ANK3: variants seen among roughly 807,000 people sequenced by gnomAD.
ANK3 encodes the protein ankyrin 3, also known as ankyrin-3.
Under a neutral mutation model 370.9 loss-of-function variants are expected in ANK3, and 57 were observed. That is an observed-to-expected ratio of 0.15 (90% confidence interval 0.12 to 0.19). ANK3 has a LOEUF of 0.19. Among genes scored for constraint, ANK3 ranks in the 10% least tolerant of loss-of-function variants. The pLI is 1.00. For missense variants in ANK3, 4,439 were observed against 5,302.1 expected (o/e 0.84, Z 5.06); for synonymous variants, 1,929 against 1,946.3 (o/e 0.99, Z 0.23).
intron 28 of ANK3, among the ~76,000 whole-genome samples, chr10:60,095,874 T>C (rs1399297280): frequency 6.6e-6 from 1 of 152,204 alleles, no homozygotes; most frequent in African/African-American, 2.4e-5. Context: ...GTATTACATA[T>C]TTTAAAAGTA....
intron 1 of ANK3, among the ~76,000 whole-genome samples, chr10:60,331,240 A>AT (rs1337405737): frequency 6.7e-6 from 1 of 148,594 alleles, no homozygotes; most frequent in Non-Finnish European, 1.5e-5. Context: ...CGTTCTGCAC[A>AT]TTTATCTTAG....
At chr10:60,408,340 G>A (rs2063494584) in intron 2 of ANK3, among the ~76,000 whole-genome samples, 1 of 152,088 alleles carries the variant, frequency 6.6e-6, no homozygotes, top group Admixed American at 6.6e-5. Flanking sequence ...TCTCATGAAT[G>A]GTTTAGATCG....
At chr10:60,291,850 C>A (rs1377301602) in intron 1 of ANK3, among the ~76,000 whole-genome samples, 1 of 152,070 alleles carries the variant, frequency 6.6e-6, no homozygotes, top group Non-Finnish European at 1.5e-5. Context: ...GTAGCCAGGT[C>A]TACAGGTACA....
intron 1 of ANK3, among the ~76,000 whole-genome samples, chr10:60,344,825 C>G (rs4290174): frequency 0.7 from 105,810 of 151,746 alleles, 38,150 homozygotes; most frequent in South Asian, 0.91. Context: ...CAAATTCACT[C>G]TGTGATCTGC....
At chr10:60,676,811 T>G (rs2079131853) in intron 1 of ANK3, among the ~76,000 whole-genome samples, 1 of 152,186 alleles carries the variant, frequency 6.6e-6, no homozygotes, top group Non-Finnish European at 1.5e-5. Flanking sequence ...GAAGGATAAG[T>G]GCTAGTGTTC....
chr10:60,431,937 C>T (rs1435024003), intron 2 of ANK3, among the ~76,000 whole-genome samples: 2 of 152,184 alleles, frequency 1.3e-5, no homozygotes, highest in African/African-American at 4.8e-5. Flanking sequence ...GTTTTCCATG[C>T]CACCTGGATC....
At chr10:60,211,207 C>A (rs2096848873) in intron 9 of ANK3, among the ~76,000 whole-genome samples, 1 of 152,142 alleles carries the variant, frequency 6.6e-6, no homozygotes, top group African/African-American at 2.4e-5. Flanking sequence ...CCCTTCCCAA[C>A]TCAGCAAAGT....
chr10:60,723,088 T>A (rs1320373506), intron 1 of ANK3, among the ~76,000 whole-genome samples: 1 of 152,206 alleles, frequency 6.6e-6, no homozygotes, highest in African/African-American at 2.4e-5. Context: ...TAAAAATATA[T>A]CAATATTTTC....
At chr10:60,207,729 AT>A (rs1291031523) in intron 10 of ANK3, among the ~76,000 whole-genome samples, 1 of 152,228 alleles carries the variant, frequency 6.6e-6, no homozygotes, top group African/African-American at 2.4e-5. Flanking sequence ...TCACAGAATT[AT>A]AAGTTTATCC....
At chr10:60,197,006 G>T (rs1263729140) in intron 14 of ANK3, among the ~76,000 whole-genome samples, 3 of 152,258 alleles carry the variant, frequency 2.0e-5, no homozygotes, top group African/African-American at 4.8e-5. Context: ...ATTGTGGGAA[G>T]AATAAGTTAT....
At chr10:60,626,263 T>A (rs1276273915) in intron 1 of ANK3, among the ~76,000 whole-genome samples, 1 of 152,170 alleles carries the variant, frequency 6.6e-6, no homozygotes, top group Non-Finnish European at 1.5e-5. Flanking sequence ...ATTTACTGTA[T>A]TGCAATATCA....
intron 28 of ANK3, among the ~76,000 whole-genome samples, chr10:60,103,620 T>TA: frequency 6.6e-6 from 1 of 152,322 alleles, no homozygotes; most frequent in South Asian, 2.1e-4. Flanking sequence ...GCTTCAATTA[T>TA]AAAATGTGTG....
chr10:60,315,046 T>C (rs1445888940), intron 1 of ANK3, among the ~76,000 whole-genome samples: 2 of 152,164 alleles, frequency 1.3e-5, no homozygotes, highest in Admixed American at 6.5e-5. Flanking sequence ...TACTTTCCAT[T>C]AGAGTGGAAT....
intron 43 of ANK3, among the ~76,000 whole-genome samples, chr10:60,032,109 C>A (rs1460054800): frequency 1.3e-5 from 2 of 150,504 alleles, no homozygotes; most frequent in Non-Finnish European, 2.9e-5. Context: ...TCACTCCCTG[C>A]TTTCTCTAAA....
intron 2 of ANK3, among the ~76,000 whole-genome samples, chr10:60,429,146 A>G (rs968350315): frequency 1.3e-5 from 2 of 152,172 alleles, no homozygotes; most frequent in African/African-American, 4.8e-5. Context: ...GAGCCTGCTG[A>G]TATGAAAGTC....
chr10:60,139,080 A>T lies in ANK3; in HGVS notation c.2622T>A (p.Asp874Glu), dbSNP rs564078262. The change falls in exon 24 of 44, where the codon GAT becomes GAA. Residue 874 changes from aspartate to glutamate, a missense_variant. Around this residue, in one of 13 missense-constraint regions of ANK3, gnomAD observed 702 missense variants for 941.5 expected, o/e 0.75. Coordinates refer to ENST00000280772, the MANE Select transcript of ANK3 (RefSeq NM_020987.5). ...EYISDVEEGEDAMTGDTDKYL... is the reference protein window; with the variant it reads ...EYISDVEEGEEAMTGDTDKYL... The stretch of plus-strand genomic sequence containing the variant: ...ATTTGTCTGTGTCCCCGGTCATTGC[A>T]TCTTCACCTGCAGATGTAGAGAGTA... 1.2e-3 allele frequency: 1,949 copies of T among 1,613,494 alleles called. 49 individuals carry two copies. The South Asian group carries it at 0.02, about 17-fold the overall frequency.
intron 1 of ANK3, among the ~76,000 whole-genome samples, chr10:60,330,474 C>G (rs947790360): frequency 6.6e-6 from 1 of 152,126 alleles, no homozygotes; most frequent in Non-Finnish European, 1.5e-5. Flanking sequence ...TATGAACAGA[C>G]ACTTCTCAAA....
intron 2 of ANK3, among the ~76,000 whole-genome samples, chr10:60,481,712 C>A (rs571586089): frequency 6.6e-6 from 1 of 152,282 alleles, no homozygotes; most frequent in South Asian, 2.1e-4. Flanking sequence ...GATCTGCCTG[C>A]CTCGGCCTCC....
chr10:60,367,584 G>T (rs934027433), intron 1 of ANK3, among the ~76,000 whole-genome samples: 5 of 152,126 alleles, frequency 3.3e-5, no homozygotes, highest in African/African-American at 1.2e-4. Flanking sequence ...AACAACAATC[G>T]TTGCCTTGCC....
Sources: gnomAD v4.1 joint callset for allele counts (sites outside exome capture counted in the v4.1 genomes callset) on GRCh38, gnomAD v4.1.1 for gene constraint, gnomAD v4.1.1 regional missense constraint, MANE v1.5 for transcripts, NCBI Gene and HGNC (gene_info 2026-07-23, HGNC 2026-07-21) for gene names.